The following MAPT variants were observed in gnomAD, a reference collection of about 807,000 sequenced individuals.
The protein encoded by MAPT is microtubule associated protein tau.
A neutral mutation model predicts 67.9 loss-of-function variants in MAPT; 34 were observed. The ratio of observed to expected loss-of-function variants is 0.50; its 90% confidence interval spans 0.38 to 0.67. The LOEUF is 0.67. MAPT is among the 30% of genes least tolerant of loss of function. The pLI, the probability that MAPT is intolerant of heterozygous loss-of-function variation, is 0.00. For synonymous variants in MAPT, 456 were observed against 464.5 expected, an observed-to-expected ratio of 0.98 and a Z score of 0.23; for missense variants, 881 against 1,115.2, an observed-to-expected ratio of 0.79 and a Z score of 2.99.
intron 3 of MAPT, chr17:45,974,427 A>G (rs1299513780): frequency 4.3e-6 from 7 of 1,610,808 alleles, no homozygotes; most frequent in Non-Finnish European, 5.9e-6. Context: ...CCCGGCAAGC[A>G]GGCTGCCGCG....
chr17:46,013,937 T>C (rs2075991342), intron 10 of MAPT, among the ~76,000 whole-genome samples: 1 of 152,198 alleles, frequency 6.6e-6, no homozygotes, highest in South Asian at 2.1e-4. Context: ...TCTTGCACAA[T>C]GACAATGGGT....
intron 12 of MAPT, among the ~76,000 whole-genome samples, chr17:46,021,231 G>GCTCT (rs2076507554): frequency 6.6e-6 from 1 of 152,254 alleles, no homozygotes; most frequent in East Asian, 1.9e-4. Flanking sequence ...CTGGCCGAGA[G>GCTCT]CTCTCGGGTT....
In MAPT at chr17:45,991,397, G is replaced by A. The variant is rs1018887407; in HGVS notation, c.1606-63G>A. 3.7e-6 allele frequency: 6 copies of A among 1,609,372 alleles called. No homozygotes were observed. In the African/African-American group the frequency reaches 6.7e-5, roughly 18 times the overall value. ...AAGGTGGCGGAGTGGGGCTGGTGTT[G>A]ACTCTTGGTGGCAGTAACTTTTCCC... On this transcript the variant is annotated intron_variant, in intron 7 of 12. Coordinates refer to ENST00000262410, the MANE Select transcript of MAPT (RefSeq NM_001377265.1).
At chr17:45,931,879 G>C (rs2066876377) in intron 1 of MAPT, 1 of 152,066 alleles carries the variant, frequency 6.6e-6, no homozygotes, top group Non-Finnish European at 1.5e-5. Context: ...TTGAGTTCAG[G>C]AGTTCAAGAT....
chr17:45,988,342 A>T lies in MAPT; in HGVS notation c.1407+1247A>T, dbSNP rs73317007. On this transcript the variant is annotated intron_variant, in intron 6 of 12. Coordinates refer to ENST00000262410, the MANE Select transcript of MAPT (RefSeq NM_001377265.1). ...TGAGCTCTGACTTGCTCTTGGAAACACTTCGAGGCTTAGCCTCCCCACTTT... is the reference window on the plus strand; with the variant it reads ...TGAGCTCTGACTTGCTCTTGGAAACTCTTCGAGGCTTAGCCTCCCCACTTT... 2.0e-3 allele frequency among the ~76,000 whole-genome samples: 297 copies of T among 152,290 alleles called. 2 individuals are homozygous for T. Among genetic ancestry groups the T allele is most frequent in the African/African-American group, 6.5e-3 (272 of 41,546 alleles).
intron 9 of MAPT, among the ~76,000 whole-genome samples, chr17:46,002,678 C>CG (rs138957038): frequency 0.036 from 5,478 of 151,930 alleles, 333 homozygotes; most frequent in African/African-American, 0.12. Flanking sequence ...AGCCTTGGGG[C>CG]GGGGGGTGCA....
At position 46,010,235 on chromosome 17, in the gene MAPT, A is replaced by T; in HGVS notation, c.1999-75A>T. The T allele has an allele frequency of 1.0e-6, 1 of 995,184 alleles. No homozygotes were observed. The highest frequency in any genetic ancestry group is 1.6e-6 in the Non-Finnish European group (1 of 640,552). The allele number at this position is 995,184 out of a possible 1,614,324, so 61.6% of individuals were successfully genotyped here. On this transcript the variant is annotated intron_variant, in intron 9 of 12. Transcript: ENST00000262410. The surrounding 1 kb of genome is among the most constrained non-coding windows in gnomAD (Gnocchi z 4.7). ...AGGGTGGCGCATGTCACTCATCGAA[A>T]GTGGAGGCGTCCTTGCGAGCAAGCA...
intron 2 of MAPT, among the ~76,000 whole-genome samples, chr17:45,969,644 C>A (rs1014935203): frequency 7.2e-6 from 1 of 138,634 alleles, no homozygotes; most frequent in Non-Finnish European, 1.7e-5. Context: ...ATTCTTCCCT[C>A]GGTTCATCCA....
At chr17:45,936,341 C>T (rs956305134) in intron 1 of MAPT, among the ~76,000 whole-genome samples, 1 of 152,200 alleles carries the variant, frequency 6.6e-6, no homozygotes, top group African/African-American at 2.4e-5. Flanking sequence ...CTGTTTGTGT[C>T]GTTCTCTCCT....
At chr17:45,952,026 G>A (rs893072915) in intron 1 of MAPT, among the ~76,000 whole-genome samples, 2 of 152,160 alleles carry the variant, frequency 1.3e-5, no homozygotes, top group Admixed American at 1.3e-4. Context: ...TCGCTTCTCG[G>A]CCTTTTGGCT....
chr17:45,923,753 C>T (rs1164302525), intron 1 of MAPT, among the ~76,000 whole-genome samples: 1 of 152,170 alleles, frequency 6.6e-6, no homozygotes, highest in Non-Finnish European at 1.5e-5. Context: ...ATATGTCCTG[C>T]AGTTTTGTTC....
intron 9 of MAPT, among the ~76,000 whole-genome samples, chr17:46,002,415 G>T (rs1170828623): frequency 1.3e-5 from 2 of 152,220 alleles, no homozygotes; most frequent in Non-Finnish European, 2.9e-5. Context: ...CTCATGTGGG[G>T]CCCAGGCTGC....
At chr17:45,941,705 G>GCCTTCCTGCCTT (rs2067976174) in intron 1 of MAPT, among the ~76,000 whole-genome samples, 6 of 25,576 alleles carry the variant, frequency 2.3e-4, no homozygotes, top group African/African-American at 6.6e-4. Flanking sequence ...CTTCCTGCCT[G>GCCTTCCTGCCTT]CCTTCCTTCC....
At chr17:45,974,320 G>A (rs1396035218) in intron 3 of MAPT, 1 of 1,199,294 alleles carries the variant, frequency 8.3e-7, no homozygotes, top group Non-Finnish European at 1.2e-6. Flanking sequence ...TGCGCAAGAA[G>A]CAAAGGTGAG....
intron 1 of MAPT, among the ~76,000 whole-genome samples, chr17:45,946,969 T>C (rs1311221837): frequency 6.6e-6 from 1 of 152,224 alleles, no homozygotes; most frequent in Admixed American, 6.5e-5. Context: ...TTATTCTCTT[T>C]GGATTGAGGC....
intron 2 of MAPT, among the ~76,000 whole-genome samples, chr17:45,965,604 C>T (rs985602148): frequency 1.3e-5 from 2 of 151,706 alleles, no homozygotes; most frequent in African/African-American, 4.8e-5. Context: ...TTAGAAGAGA[C>T]GGGGTTTCAC....
chr17:45,972,512 C>G (rs2071818276), intron 3 of MAPT, among the ~76,000 whole-genome samples: 1 of 152,214 alleles, frequency 6.6e-6, no homozygotes, highest in African/African-American at 2.4e-5. Context: ...TCTTCTCTTG[C>G]TTCCCATCTG....
At chr17:45,990,223 A>T (rs1441852809) in intron 7 of MAPT, 148 bp downstream of exon 7, 1 of 757,238 alleles carries the variant, frequency 1.3e-6, no homozygotes, top group Non-Finnish European at 2.2e-6. Flanking sequence ...AATTCTGGGC[A>T]AAGGGGAAAA....
At chr17:45,963,605 T>G (rs1480233890) in intron 2 of MAPT, among the ~76,000 whole-genome samples, 2 of 152,174 alleles carry the variant, frequency 1.3e-5, no homozygotes, top group Non-Finnish European at 2.9e-5. Context: ...TGGCAAACAC[T>G]CTACTTTTCT....
Sources: allele counts gnomAD v4.1 joint callset (sites outside exome capture counted in the v4.1 genomes callset), GRCh38; gene constraint gnomAD v4.1.1; non-coding constraint Gnocchi (gnomAD v3.1); transcripts MANE v1.5; gene names NCBI Gene and HGNC (gene_info 2026-07-23, HGNC 2026-07-21).